The following LRP1B variants were observed in gnomAD, a reference collection of about 807,000 sequenced individuals.
The protein encoded by LRP1B is LDL receptor related protein 1B, also known as low-density lipoprotein receptor-related protein 1B.
Under a neutral mutation model 556.6 loss-of-function variants are expected in LRP1B, and 217 were observed. The observed-to-expected ratio is 0.39, with a 90% CI of 0.35 to 0.44. The LOEUF (loss-of-function observed/expected upper bound fraction) is 0.44. Among genes scored for constraint, LRP1B ranks in the 20% least tolerant of loss-of-function variants. The pLI, the probability that LRP1B is intolerant of heterozygous loss-of-function variation, is 1.00. For missense variants in LRP1B, 5,053 were observed against 5,620.8 expected, an observed-to-expected ratio of 0.90 and a Z score of 3.23; for synonymous variants, 2,047 against 1,865.8, an observed-to-expected ratio of 1.10 and a Z score of -2.50.
At chr2:140,557,088 C>T (rs1680761675) in intron 43 of LRP1B, among the ~76,000 whole-genome samples, 1 of 152,054 alleles carries the variant, frequency 6.6e-6, no homozygotes, top group African/African-American at 2.4e-5. Context: ...AACTATGCAT[C>T]TAGTTTTCAA....
chr2:141,585,288 A>G (rs1248223160), intron 2 of LRP1B, among the ~76,000 whole-genome samples: 6 of 152,214 alleles, frequency 3.9e-5, no homozygotes, highest in Non-Finnish European at 8.8e-5. Context: ...AAGATAAATT[A>G]TAAGTATGTT....
At chr2:140,883,598 T>G (rs1195603523) in intron 25 of LRP1B, among the ~76,000 whole-genome samples, 2 of 150,468 alleles carry the variant, frequency 1.3e-5, no homozygotes, top group Admixed American at 1.3e-4. Flanking sequence ...TAAAAGTACC[T>G]ATGTAAGCAA....
chr2:140,297,947 T>G lies in LRP1B; in HGVS notation c.12828A>C (p.Ala4276=), dbSNP rs149487197. ...CACAGTTTGGCCCAGTGAAACCCAG[T>G]GCACAGCTGCAGGTGGGTCTCCCTA... ...SVLGRPTCSC[A]LGFTGPNCGK... is the part of the protein sequence containing the mutation. Residue 4276 remains alanine, a synonymous_variant, in exon 84 of 91, where the codon GCA becomes GCC. Coordinates refer to ENST00000389484, the MANE Select transcript of LRP1B (RefSeq NM_018557.3). 3,028 of 1,612,388 alleles carry G rather than the reference T, an allele frequency of 1.9e-3. 7 individuals are homozygous for G. The highest frequency in any genetic ancestry group is 2.4e-3 in the Non-Finnish European group (2,788 of 1,178,622).
chr2:141,424,091 G>A lies in LRP1B; in HGVS notation c.343+56305C>T, dbSNP rs1680257524. ...CATTCAAGTTTTATAGTTTTATGGA[G>A]TTAACTATTACAAGCCTTCATCTTT... On this transcript the variant is annotated intron_variant, in intron 3 of 90. Transcript: ENST00000389484. Among the ~76,000 whole-genome samples the A allele has an allele frequency of 2.7e-5, 4 of 147,316 alleles. No homozygotes were observed. The South Asian group carries it at 8.8e-4, about 32-fold the overall frequency.
chr2:140,580,102 T>G (rs1681702097), intron 43 of LRP1B, among the ~76,000 whole-genome samples: 1 of 152,190 alleles, frequency 6.6e-6, no homozygotes, highest in South Asian at 2.1e-4. Context: ...GGTCTCATTG[T>G]TACTGTGGCT....
chr2:141,638,198 A>C (rs191777932), intron 2 of LRP1B, among the ~76,000 whole-genome samples: 1 of 152,018 alleles, frequency 6.6e-6, no homozygotes, highest in Admixed American at 6.6e-5. Flanking sequence ...AAGAAAAAAA[A>C]CTAAAAAAGA....
intron 32 of LRP1B, among the ~76,000 whole-genome samples, chr2:140,778,484 T>C (rs1031618492): frequency 2.0e-5 from 3 of 152,082 alleles, no homozygotes; most frequent in African/African-American, 4.8e-5. Context: ...GAAATATTCA[T>C]GAATGCATTT....
chr2:140,383,915 A>T (rs542374393), intron 67 of LRP1B, among the ~76,000 whole-genome samples: 47 of 152,146 alleles, frequency 3.1e-4, no homozygotes, highest in Non-Finnish European at 5.0e-4. Context: ...CACTGTGGCT[A>T]CAGTGATTTA....
intron 60 of LRP1B, among the ~76,000 whole-genome samples, chr2:140,472,960 A>T (rs975922544): frequency 1.3e-5 from 2 of 152,084 alleles, no homozygotes; most frequent in Non-Finnish European, 2.9e-5. Context: ...GTCTGGTTTT[A>T]AAAAAGTGGC....
At chr2:140,929,486 TA>T (rs369102750) in intron 20 of LRP1B, among the ~76,000 whole-genome samples, 317 of 152,110 alleles carry the variant, frequency 2.1e-3, no homozygotes, top group African/African-American at 7.3e-3. Flanking sequence ...AAGAGAAAGC[TA>T]GGTTGGTGGG....
chr2:141,942,134 G>A (rs767399163), intron 1 of LRP1B, among the ~76,000 whole-genome samples: 9 of 151,960 alleles, frequency 5.9e-5, no homozygotes, highest in Non-Finnish European at 1.2e-4. Flanking sequence ...AAAATTCTTC[G>A]GTTAAAATAT....
chr2:141,423,301 T>G (rs1271517219), intron 3 of LRP1B, among the ~76,000 whole-genome samples: 2 of 119,602 alleles, frequency 1.7e-5, no homozygotes, highest in East Asian at 3.1e-4. Flanking sequence ...TTTTTTTTTT[T>G]TTTTTTTTTT....
rs756389055 is a variant in LRP1B at position 140,756,922 on chromosome 2, G to A, written c.5758+12291C>T. 1.2e-3 allele frequency among the ~76,000 whole-genome samples: 176 copies of A among 151,936 alleles called. 1 individual carries two copies. Among genetic ancestry groups the A allele is most frequent in the Non-Finnish European group, 9.6e-4 (65 of 67,962 alleles). ...AACTTTTGCAAATTATCTTACAAGG[G>A]AGTTTTATCTAGAATGTATTCAAAA... is the stretch of plus-strand genomic sequence containing the variant. On this transcript the variant is annotated intron_variant, in intron 35 of 90. Coordinates refer to ENST00000389484, the MANE Select transcript of LRP1B (RefSeq NM_018557.3).
chr2:141,619,636 T>A (rs1688432337), intron 2 of LRP1B, among the ~76,000 whole-genome samples: 1 of 152,176 alleles, frequency 6.6e-6, no homozygotes, highest in Non-Finnish European at 1.5e-5. Context: ...TAAGAATCTG[T>A]GAGTTTGCAA....
intron 2 of LRP1B, among the ~76,000 whole-genome samples, chr2:141,610,664 AC>A (rs2105321693): frequency 6.6e-6 from 1 of 152,224 alleles, no homozygotes; most frequent in African/African-American, 2.4e-5. Context: ...TCATTTCTAC[AC>A]CATTTGGCTG....
intron 1 of LRP1B, among the ~76,000 whole-genome samples, chr2:141,865,142 T>C (rs1169733408): frequency 6.6e-6 from 1 of 152,166 alleles, no homozygotes; most frequent in African/African-American, 2.4e-5. Flanking sequence ...ATCTTTCTTG[T>C]TCTCAAGATC....
intron 1 of LRP1B, among the ~76,000 whole-genome samples, chr2:141,984,822 G>T (rs183171812): frequency 6.6e-6 from 1 of 152,132 alleles, no homozygotes; most frequent in African/African-American, 2.4e-5. Flanking sequence ...ATTGTCAGGG[G>T]AATGTAGCCA....
intron 7 of LRP1B, among the ~76,000 whole-genome samples, chr2:141,082,972 G>T (rs1474408): frequency 0.54 from 81,958 of 151,978 alleles, 22,334 homozygotes; most frequent in Non-Finnish European, 0.57. Flanking sequence ...AACCAATCAA[G>T]AATATGCACC....
chr2:140,528,400 A>C (rs761537133), intron 47 of LRP1B, among the ~76,000 whole-genome samples: 18 of 152,034 alleles, frequency 1.2e-4, no homozygotes, highest in Non-Finnish European at 2.4e-4. Flanking sequence ...GAAAGTAGTA[A>C]TTTAAAAAAC....
Sources: gnomAD v4.1 joint callset for allele counts (sites outside exome capture counted in the v4.1 genomes callset) on GRCh38, gnomAD v4.1.1 for gene constraint, MANE v1.5 for transcripts, NCBI Gene and HGNC (gene_info 2026-07-23, HGNC 2026-07-21) for gene names.